Variants in GRIA3 observed in about 807,000 individuals in gnomAD.
GRIA3 encodes the protein glutamate receptor 3.
A neutral mutation model predicts 63.0 loss-of-function variants in GRIA3; 3 were observed. The observed-to-expected ratio is 0.05, with a 90% CI of 0.02 to 0.12. GRIA3 has a LOEUF of 0.12. Ranked by LOEUF, GRIA3 falls within the 10% of genes least tolerant of loss-of-function variation. GRIA3 has a pLI of 1.00. For synonymous variants in GRIA3, 274 were observed against 257.9 expected, an observed-to-expected ratio of 1.06 and a Z score of -0.60; for missense variants, 347 against 700.9, an observed-to-expected ratio of 0.50 and a Z score of 5.70.
chrX:123,362,167 A>G (rs778466795), intron 5 of GRIA3, among the ~76,000 whole-genome samples: 12 of 111,728 alleles, frequency 1.1e-4, no homozygotes, highest in Middle Eastern at 4.2e-3. Flanking sequence ...ATGTCCAACA[A>G]CTTGTTCACT....
At position 123,403,030 on chromosome X, in the gene GRIA3, G is replaced by A. The variant is rs1264547242; in HGVS notation, c.1117G>A (p.Asp373Asn). The change falls in exon 8 of 16, where the codon GAC becomes AAC. Residue 373 changes from aspartate to asparagine, a missense_variant. Transcript: ENST00000620443. ...AGGAATGACTGGAAATATTCAATTT[G>A]ACACTTATGGACGTAGGACAAATTA... ...VQGMTGNIQFDTYGRRTNYTI... is the reference protein window; with the variant it reads ...VQGMTGNIQFNTYGRRTNYTI... 1 of 1,169,733 alleles carries A rather than the reference G, an allele frequency of 8.5e-7. No individual in the cohort carries two copies. Among genetic ancestry groups the A allele is most frequent in the Non-Finnish European group, 1.2e-6 (1 of 859,345 alleles).
intron 2 of GRIA3, chrX:123,202,917 G>A: frequency 1.5e-6 from 1 of 646,479 alleles, no homozygotes; most frequent in Non-Finnish European, 2.3e-6. Context: ...GCAAGTCAAA[G>A]TCAAGCCTAC....
At position 123,202,859 on chromosome X, in the gene GRIA3, G is replaced by A. The variant is rs1034487677; in HGVS notation, c.268+16869G>A. The A allele has an allele frequency of 1.7e-5, 16 of 962,235 alleles. No individual in the cohort carries two copies. The South Asian group carries it at 1.9e-4, about 11-fold the overall frequency. The allele number at this position is 962,235 out of a possible 1,213,427, so 79.3% of individuals were successfully genotyped here. On this transcript the variant is annotated intron_variant, in intron 2 of 15. Coordinates refer to ENST00000620443, the MANE Select transcript of GRIA3 (RefSeq NM_007325.5). ...CTTGTTCACCAATTCCTGTTATGCC[G>A]CAAAGAAGATCTCCCCACTCTGGAA...
At position 123,354,637 on chromosome X, in the gene GRIA3, CT is replaced by C. The variant is rs2045121270; in HGVS notation, c.697-269del. Among the ~76,000 whole-genome samples the C allele has an allele frequency of 2.7e-5, 3 of 111,628 alleles. No homozygotes were observed. The South Asian group carries it at 1.1e-3, about 42-fold the overall frequency. The stretch of plus-strand genomic sequence containing the variant: ...GAGTGGGGGATCTTCAGCTTCATCA[CT>C]TTTGCCATCTATTTTAAGTGACAGT... On this transcript the variant is annotated intron_variant, in intron 4 of 15. Transcript: ENST00000620443.
At chrX:123,239,052 G>A (rs1432018456) in intron 2 of GRIA3, among the ~76,000 whole-genome samples, 1 of 110,843 alleles carries the variant, frequency 9.0e-6, no homozygotes, top group African/African-American at 3.2e-5. Flanking sequence ...ATACATTAGA[G>A]GCTGATTGAA....
chrX:123,479,973 T>C (rs1382841288), intron 13 of GRIA3, 90 bp from the exon 14 acceptor site: 1 of 657,263 alleles, frequency 1.5e-6, no homozygotes. Context: ...CCCCCTGCTT[T>C]ATCGCTTTCT....
Position 123,219,258 on chromosome X carries a change from G to A in GRIA3, c.268+33268G>A, listed in dbSNP as rs1401625824. Reference sequence around the variant, plus strand: ...GTATTTTACCTATGATTCTTGCTTTGTCTTTTGCACTTCTACCTTTCTTAA... The same window carrying A: ...GTATTTTACCTATGATTCTTGCTTTATCTTTTGCACTTCTACCTTTCTTAA... On this transcript the variant is annotated intron_variant, in intron 2 of 15. Coordinates refer to ENST00000620443, the MANE Select transcript of GRIA3 (RefSeq NM_007325.5). 8.0e-5 allele frequency among the ~76,000 whole-genome samples: 9 copies of A among 112,547 alleles called. No homozygotes were observed. In the South Asian group the frequency reaches 3.0e-3, roughly 37 times the overall value.
At chrX:123,464,669 C>A (rs1249393323) in intron 12 of GRIA3, among the ~76,000 whole-genome samples, 196 bp from the exon 13 acceptor site, 1 of 111,084 alleles carries the variant, frequency 9.0e-6, no homozygotes, top group Non-Finnish European at 1.9e-5. Flanking sequence ...GAGCATCACA[C>A]ATAGCAAGGA....
chrX:123,412,519 T>G (rs906725084), intron 10 of GRIA3, among the ~76,000 whole-genome samples: 4 of 111,777 alleles, frequency 3.6e-5, no homozygotes, highest in African/African-American at 1.3e-4. Flanking sequence ...AAAAACTGCC[T>G]GTGGGAATAG....
intron 2 of GRIA3, among the ~76,000 whole-genome samples, chrX:123,228,449 A>G (rs1195180762): frequency 1.8e-5 from 2 of 111,808 alleles, no homozygotes; most frequent in Admixed American, 9.5e-5. Context: ...CTCAAGGCCA[A>G]CTAATGGGTC....
chrX:123,236,240 G>A (rs2044301270), intron 2 of GRIA3, among the ~76,000 whole-genome samples: 1 of 111,306 alleles, frequency 9.0e-6, no homozygotes, highest in African/African-American at 3.3e-5. Context: ...CTTAAACACA[G>A]ATGAAAACCA....
chrX:123,359,625 G>A (rs5958229), intron 5 of GRIA3, among the ~76,000 whole-genome samples: 3,127 of 112,189 alleles, frequency 0.028, 99 homozygotes, highest in African/African-American at 0.095. Flanking sequence ...CTGAGGATCT[G>A]AAGGATCAAT....
intron 2 of GRIA3, among the ~76,000 whole-genome samples, chrX:123,214,424 C>T (rs756694419): frequency 3.6e-5 from 4 of 111,482 alleles, no homozygotes; most frequent in Non-Finnish European, 5.7e-5. Flanking sequence ...GTTCAATGTT[C>T]ATCTAAGAAC....
intron 12 of GRIA3, among the ~76,000 whole-genome samples, chrX:123,430,129 C>G (rs181898149): frequency 3.6e-4 from 40 of 112,252 alleles, no homozygotes; most frequent in African/African-American, 1.3e-3. Flanking sequence ...ATTACCAGAG[C>G]TGATTTGAAT....
At chrX:123,403,208 G>A (rs2045452374) in intron 8 of GRIA3, 110 bp downstream of exon 8, 1 of 600,975 alleles carries the variant, frequency 1.7e-6, no homozygotes, top group Admixed American at 2.3e-5. Flanking sequence ...AGGATGAGTG[G>A]GAGATGGGAA....
chrX:123,386,342 A>T (rs1184730950), intron 5 of GRIA3, among the ~76,000 whole-genome samples: 1 of 111,250 alleles, frequency 9.0e-6, no homozygotes, highest in African/African-American at 3.3e-5. Context: ...AGTTCCTTGT[A>T]TATTCTGGAT....
At chrX:123,330,099 A>G (rs771159607) in intron 4 of GRIA3, among the ~76,000 whole-genome samples, 2 of 112,048 alleles carry the variant, frequency 1.8e-5, no homozygotes, top group South Asian at 7.5e-4. Context: ...AGTGAGAGTG[A>G]TAACTGTACT....
In GRIA3 at chrX:123,185,846, A is replaced by G; in HGVS notation, c.124A>G (p.Arg42Gly). 1 of 1,210,792 alleles carries G rather than the reference A, an allele frequency of 8.3e-7. No homozygotes were observed. The highest frequency in any genetic ancestry group is 2.2e-5 in the Admixed American group (1 of 46,046). The change falls in exon 2 of 16, where the codon AGA becomes GGA. Residue 42 changes from arginine to glycine, a missense_variant. By Grantham distance (125) the Arg-to-Gly change is moderately radical. This residue lies in a region of GRIA3 where 29 missense variants were observed against 69.4 expected (regional missense o/e 0.42). Transcript: ENST00000620443. ...NTISIGGLFM[R>G]NTVQEHSAFR... ...TTTGCTTATAGGTGGACTTTTCATGAGAAACACAGTGCAGGAGCACAGCGC... is the reference window on the plus strand; with the variant it reads ...TTTGCTTATAGGTGGACTTTTCATGGGAAACACAGTGCAGGAGCACAGCGC...
intron 5 of GRIA3, among the ~76,000 whole-genome samples, chrX:123,358,111 C>G (rs1378534163): frequency 9.0e-6 from 1 of 110,648 alleles, no homozygotes; most frequent in African/African-American, 3.3e-5. Flanking sequence ...AGAACCAAAA[C>G]TATTTAGAAG....
Sources: gnomAD v4.1 joint callset for allele counts (sites outside exome capture counted in the v4.1 genomes callset) on GRCh38, gnomAD v4.1.1 for gene constraint, gnomAD v4.1.1 regional missense constraint, MANE v1.5 for transcripts, NCBI Gene and HGNC (gene_info 2026-07-23, HGNC 2026-07-21) for gene names.